NXN: variants seen among roughly 807,000 people sequenced by gnomAD.
NXN encodes nucleoredoxin 1.
Under a neutral mutation model 48.6 loss-of-function variants are expected in NXN, and 16 were observed. The ratio of observed to expected loss-of-function variants is 0.33; its 90% confidence interval spans 0.22 to 0.50. NXN has a LOEUF of 0.50. NXN is among the 20% of genes least tolerant of loss of function. The probability of loss-of-function intolerance (pLI) is 0.98; values close to 1 mark genes in which losing one functional copy is unlikely to be tolerated. For missense variants in NXN, 492 were observed against 605.5 expected, an observed-to-expected ratio of 0.81 and a Z score of 1.97; for synonymous variants, 281 against 269.6, an observed-to-expected ratio of 1.04 and a Z score of -0.41.
chr17:814,911 G>A (rs532253436), intron 5 of NXN, among the ~76,000 whole-genome samples: 2 of 152,118 alleles, frequency 1.3e-5, no homozygotes, highest in Non-Finnish European at 1.5e-5. Flanking sequence ...GATTATAGGT[G>A]ACCACCACCA....
At chr17:881,141 A>G (rs768397260) in intron 1 of NXN, among the ~76,000 whole-genome samples, 1 of 152,252 alleles carries the variant, frequency 6.6e-6, no homozygotes, top group Non-Finnish European at 1.5e-5. Flanking sequence ...AAATGATTTC[A>G]CACTGACTAG....
At chr17:813,393 C>T (rs899580572) in intron 5 of NXN, among the ~76,000 whole-genome samples, 6 of 152,212 alleles carry the variant, frequency 3.9e-5, no homozygotes, top group African/African-American at 9.6e-5. Flanking sequence ...AAACGGCCCC[C>T]GGCTTGGAGG....
intron 1 of NXN, among the ~76,000 whole-genome samples, chr17:916,680 C>T (rs866360938): frequency 2.6e-5 from 4 of 152,174 alleles, no homozygotes; most frequent in African/African-American, 4.8e-5. Flanking sequence ...GGCTCACGCC[C>T]GTAATCCCAG....
intron 1 of NXN, among the ~76,000 whole-genome samples, chr17:957,123 C>A (rs904196950): frequency 6.9e-6 from 1 of 144,782 alleles, no homozygotes; most frequent in East Asian, 1.9e-4. Context: ...AGGGGCCTGG[C>A]GGAGCTGAGA....
chr17:905,237 C>A (rs558065625), intron 1 of NXN: 7 of 143,050 alleles, frequency 4.9e-5, no homozygotes, highest in Non-Finnish European at 9.5e-5. Flanking sequence ...CACAGCAAGA[C>A]CCTGTCTGTA....
At position 938,835 on chromosome 17, in the gene NXN, G is replaced by A. The variant is rs8066364; in HGVS notation, c.360+40484C>T. Among the ~76,000 whole-genome samples, 1,429 of 152,184 alleles carry A rather than the reference G, an allele frequency of 9.4e-3. 18 individuals carry two copies. Among genetic ancestry groups the A allele is most frequent in the African/African-American group, 0.031 (1,275 of 41,500 alleles). ...AGCACTTTGGTAGGCCGAGGCGGGCGGATCACTTGAGGCCAGGGGTTCAAG... is the reference window on the plus strand; with the variant it reads ...AGCACTTTGGTAGGCCGAGGCGGGCAGATCACTTGAGGCCAGGGGTTCAAG... On this transcript the variant is annotated intron_variant, in intron 1 of 7. Transcript: ENST00000336868.
chr17:895,925 G>A (rs1367022769), intron 1 of NXN, among the ~76,000 whole-genome samples: 1 of 151,976 alleles, frequency 6.6e-6, no homozygotes, highest in East Asian at 1.9e-4. Context: ...AACTGTTGAT[G>A]GGCTGGGGGC....
At chr17:889,751 GAAAGAAAGAAAAAGAAAGAA>G (rs1362542934) in intron 1 of NXN, among the ~76,000 whole-genome samples, 1 of 84,116 alleles carries the variant, frequency 1.2e-5, no homozygotes, top group African/African-American at 5.8e-5. Context: ...AAGAAAGAAA[GAAAGAAAGAAAAAGAAAGAA>G]AGAAAAGAGA....
chr17:955,162 C>CTTTTTT (rs749641262), intron 1 of NXN, among the ~76,000 whole-genome samples: 5 of 125,170 alleles, frequency 4.0e-5, no homozygotes, highest in Admixed American at 8.0e-5. Context: ...TCATCTCTTT[C>CTTTTTT]TTTTTTTTTT....
intron 2 of NXN, among the ~76,000 whole-genome samples, chr17:824,790 C>T (rs480233): frequency 0.67 from 101,431 of 151,716 alleles, 34,692 homozygotes; most frequent in African/African-American, 0.81. Flanking sequence ...AACTGAACCA[C>T]GTTTTCTCAC....
chr17:960,832 C>T (rs1338847728), intron 1 of NXN, among the ~76,000 whole-genome samples: 2 of 143,780 alleles, frequency 1.4e-5, no homozygotes, highest in Non-Finnish European at 3.0e-5. Flanking sequence ...GCCACCCAGG[C>T]TGGAGTGCAG....
At chr17:870,929 G>A (rs1285367879) in intron 1 of NXN, among the ~76,000 whole-genome samples, 2 of 152,024 alleles carry the variant, frequency 1.3e-5, no homozygotes, top group African/African-American at 4.8e-5. Flanking sequence ...TGCGATCTCA[G>A]TTCACTACAA....
At chr17:816,082 G>A (rs955773057) in intron 5 of NXN, among the ~76,000 whole-genome samples, 2 of 152,156 alleles carry the variant, frequency 1.3e-5, no homozygotes, top group African/African-American at 2.4e-5. Context: ...GCTCGGTAAC[G>A]CTTGGGAGAG....
In NXN at chr17:919,252, C is replaced by T. The variant is rs1041948582; in HGVS notation, c.360+60067G>A. Among the ~76,000 whole-genome samples the T allele has an allele frequency of 2.6e-5, 4 of 151,002 alleles. No homozygotes were observed. Among genetic ancestry groups the T allele is most frequent in the Admixed American group, 2.0e-4 (3 of 15,150 alleles). On this transcript the variant is annotated intron_variant, in intron 1 of 7. Coordinates refer to ENST00000336868, the MANE Select transcript of NXN (RefSeq NM_022463.5). This position sits in a 1 kb window ranked among gnomAD's most constrained non-coding sequence, Gnocchi z 5.1. Reference sequence around the variant, plus strand: ...ATGGCGGGCACCTGTAGTCCCAGTTCCTTGGGAGGCTGAAGCAGGAGAATA... The same window carrying T: ...ATGGCGGGCACCTGTAGTCCCAGTTTCTTGGGAGGCTGAAGCAGGAGAATA...
At chr17:941,188 A>G (rs2068969935) in intron 1 of NXN, among the ~76,000 whole-genome samples, 2 of 137,606 alleles carry the variant, frequency 1.5e-5, no homozygotes, top group African/African-American at 2.9e-5. Context: ...CTGGATTTAC[A>G]GTGAACAAGA....
rs901520007 is a variant in NXN at position 882,626 on chromosome 17, C to T, written c.361-56548G>A. 3.3e-5 allele frequency among the ~76,000 whole-genome samples: 5 copies of T among 151,974 alleles called. No individual in the cohort carries two copies. In the East Asian group the frequency reaches 7.7e-4, roughly 23 times the overall value. On this transcript the variant is annotated intron_variant, in intron 1 of 7. Transcript: ENST00000336868. ...GACTTCAGGCGCCCACCACCATGCC[C>T]GGCTAATTTTTTGTATTTTTAGTAG...
intron 1 of NXN, among the ~76,000 whole-genome samples, chr17:856,022 G>C (rs2067982474): frequency 6.6e-6 from 1 of 152,076 alleles, no homozygotes; most frequent in Non-Finnish European, 1.5e-5. Flanking sequence ...GTGAAACCCT[G>C]TCTCTACTAA....
intron 1 of NXN, among the ~76,000 whole-genome samples, chr17:977,438 A>G (rs1438891535): frequency 6.6e-6 from 1 of 152,268 alleles, no homozygotes; most frequent in Non-Finnish European, 1.5e-5. Context: ...TGTCATGCAA[A>G]GAGCCTGTCC....
At position 979,711 on chromosome 17, in the gene NXN, G is replaced by A. The variant is rs745431423; in HGVS notation, c.-33C>T. The stretch of plus-strand genomic sequence containing the variant: ...CACCGCAGGGCGGGCAGGCGGCTGC[G>A]ACCCCGCTCCACGGTCCGCGCGGCG... On this transcript the variant is annotated 5_prime_UTR_variant, in exon 1 of 8. Coordinates refer to ENST00000336868, the MANE Select transcript of NXN (RefSeq NM_022463.5). 2 of 1,351,614 alleles carry A rather than the reference G, an allele frequency of 1.5e-6. No homozygotes were observed. Among genetic ancestry groups the A allele is most frequent in the Non-Finnish European group, 1.9e-6 (2 of 1,051,058 alleles). 83.7% of individuals were successfully genotyped at this position (1,351,614 alleles called of 1,614,324 possible).
Sources: allele counts gnomAD v4.1 joint callset (sites outside exome capture counted in the v4.1 genomes callset), GRCh38; gene constraint gnomAD v4.1.1; non-coding constraint Gnocchi (gnomAD v3.1); transcripts MANE v1.5; gene names NCBI Gene and HGNC (gene_info 2026-07-23, HGNC 2026-07-21).